SHPRH: variants seen among roughly 807,000 people sequenced by gnomAD.
SHPRH encodes the protein E3 ubiquitin-protein ligase SHPRH.
Under a neutral mutation model 202.5 loss-of-function variants are expected in SHPRH, and 106 were observed. That is an observed-to-expected ratio of 0.52 (90% CI 0.45 to 0.62). The LOEUF is 0.62. SHPRH is among the 20% of genes least tolerant of loss of function. The pLI, the probability that SHPRH is intolerant of heterozygous loss-of-function variation, is 0.00. For missense variants in SHPRH, 1,710 were observed against 2,020.0 expected (o/e 0.85, Z 2.94); for synonymous variants, 729 against 686.0 (o/e 1.06, Z -0.98).
chr6:145,908,865 G>A (rs989629573), intron 25 of SHPRH: 5 of 152,006 alleles, frequency 3.3e-5, no homozygotes, highest in Admixed American at 2.0e-4. Flanking sequence ...TTTTCTTCTC[G>A]GATTTTTAGG....
chr6:145,889,677 GATATCTCACTATGT>G (rs1781418602), intron 28 of SHPRH, among the ~76,000 whole-genome samples: 1 of 152,052 alleles, frequency 6.6e-6, no homozygotes, highest in Non-Finnish European at 1.5e-5. Flanking sequence ...TCATTCCTAA[GATATCTCACTATGT>G]ATATGCAAAT....
rs1256708224 is a variant in SHPRH at position 145,948,359 on chromosome 6, A to C, written c.983-9T>G. On this transcript the variant is annotated splice_polypyrimidine_tract_variant and intron_variant, in intron 4 of 29. Coordinates refer to ENST00000275233, the MANE Select transcript of SHPRH (RefSeq NM_001042683.3). ...GAAGTGCAGGGCACTTTCTAAAGAA[A>C]AATATAATCATAATAACAAATTTTT... 12 of 1,590,328 alleles carry C rather than the reference A, an allele frequency of 7.5e-6. No homozygotes were observed. Among genetic ancestry groups the C allele is most frequent in the Non-Finnish European group, 1.0e-5 (12 of 1,169,088 alleles).
At chr6:145,910,072 C>T in intron 25 of SHPRH, 1 of 161,040 alleles carries the variant, frequency 6.2e-6, no homozygotes, top group Non-Finnish European at 1.4e-5. Flanking sequence ...ATCCTTTTTT[C>T]CTTACATTCA....
chr6:145,903,750 G>A (rs1354180353), intron 25 of SHPRH: 1 of 152,036 alleles, frequency 6.6e-6, no homozygotes, highest in East Asian at 1.9e-4. Context: ...CAGTATATAG[G>A]GTCAGGGTTT....
Position 145,893,337 on chromosome 6 carries a change from C to G in SHPRH, c.4752G>C (p.Leu1584=). The change falls in exon 28 of 30, where the codon CTG becomes CTC. Residue 1584 remains leucine (L), a synonymous_variant. Coordinates refer to ENST00000275233, the MANE Select transcript of SHPRH (RefSeq NM_001042683.3). ...DPQINILLLP[L]HTGSNGLTII... ...TAGTTAATCCATTAGAACCTGTGTG[C>G]AGGGGCAGCAGCAAAATATTGATTT... The G allele has an allele frequency of 6.3e-7, 1 of 1,597,992 alleles. No homozygotes were observed.
At chr6:145,864,209 C>T, downstream of SHPRH, 1 of 197,004 alleles carries the variant, frequency 5.1e-6, no homozygotes, top group East Asian at 1.4e-4. Flanking sequence ...TTTCTTTATT[C>T]TTCATGTTTC....
chr6:145,888,449 TC>T (rs1781293972), intron 28 of SHPRH, among the ~76,000 whole-genome samples: 1 of 151,486 alleles, frequency 6.6e-6, no homozygotes, highest in African/African-American at 2.4e-5. Context: ...ACATACACAG[TC>T]CCCGGGAAGG....
chr6:145,941,907 A>C (rs1290823484), intron 9 of SHPRH, 33 bp from the exon 10 acceptor site: 2 of 1,604,994 alleles, frequency 1.2e-6, no homozygotes, highest in Non-Finnish European at 1.7e-6. Flanking sequence ...AGTTATTGCA[A>C]AAAGGCTCAC....
At chr6:145,927,390 C>T in intron 14 of SHPRH, 113 bp from the exon 15 acceptor site, 2 of 997,290 alleles carry the variant, frequency 2.0e-6, no homozygotes, top group Admixed American at 2.7e-5. Flanking sequence ...ATGATTATAA[C>T]TTTTTTTAAG....
chr6:145,955,291 A>C lies in SHPRH; in HGVS notation c.32T>G (p.Val11Gly). The C allele has an allele frequency of 6.2e-7, 1 of 1,604,870 alleles. No individual in the cohort carries two copies. The highest frequency in any genetic ancestry group is 8.5e-7 in the Non-Finnish European group (1 of 1,176,318). MSSRRKRAPP[V>G]RVDEEKRQQL... ...CTGCCTCTTTTCCTCATCTACCCTCACTGGAGGAGCACGTTTCCGTCGGCT... is the reference window on the plus strand; with the variant it reads ...CTGCCTCTTTTCCTCATCTACCCTCCCTGGAGGAGCACGTTTCCGTCGGCT... Residue 11 changes from valine to glycine, a missense_variant, in exon 2 of 30, where the codon GTG (valine) becomes GGG (glycine). Around this residue, in one of 8 missense-constraint regions of SHPRH, gnomAD observed 459 missense variants for 426.5 expected, o/e 1.08. Coordinates refer to ENST00000275233, the MANE Select transcript of SHPRH (RefSeq NM_001042683.3).
At chr6:145,934,793 C>A (rs1582753445) in intron 13 of SHPRH, 114 bp downstream of exon 13, 1 of 998,000 alleles carries the variant, frequency 1.0e-6, no homozygotes, top group Non-Finnish European at 1.5e-6. Flanking sequence ...AAACCCTCTA[C>A]ACCATTAAAG....
chr6:145,876,660 T>G (rs954250765), intron 2 of SHPRH: 1 of 143,706 alleles, frequency 7.0e-6, no homozygotes, highest in African/African-American at 2.5e-5. Flanking sequence ...TGTGAACACA[T>G]GTTTTCATTT....
intron 11 of SHPRH, among the ~76,000 whole-genome samples, chr6:145,938,239 G>C (rs1786334032): frequency 6.6e-6 from 1 of 152,104 alleles, no homozygotes; most frequent in African/African-American, 2.4e-5. Flanking sequence ...CTCAAGGGTT[G>C]GTTGTTACAA....
At chr6:145,916,069 T>C (rs562154910) in intron 23 of SHPRH, among the ~76,000 whole-genome samples, 1 of 152,256 alleles carries the variant, frequency 6.6e-6, no homozygotes, top group Admixed American at 6.5e-5. Flanking sequence ...AAATTGGGTA[T>C]TTTCATTTGT....
chr6:145,895,817 G>A (rs1562293629), intron 25 of SHPRH, among the ~76,000 whole-genome samples: 1 of 151,938 alleles, frequency 6.6e-6, no homozygotes. Flanking sequence ...ATCCAATAGG[G>A]CTGAATGATA....
At position 145,921,281 on chromosome 6, in the gene SHPRH, C is replaced by T. The variant is rs1784409086; in HGVS notation, c.3894G>A (p.Glu1298=). The T allele has an allele frequency of 6.2e-7, 1 of 1,612,854 alleles. No individual in the cohort carries two copies. Among genetic ancestry groups the T allele is most frequent in the African/African-American group, 1.3e-5 (1 of 74,852 alleles). The part of the protein sequence containing the change: ...TRGLWAISET[E]RSMKAILSFA... ...ATGATAGTATTGCTTTCATAGATCG[C>T]TCTGTCTCACTTATTGCCCAGAGAC... The change falls in exon 21 of 30, where the codon GAG becomes GAA. Residue 1298 remains glutamate, a synonymous_variant. Coordinates refer to ENST00000275233, the MANE Select transcript of SHPRH (RefSeq NM_001042683.3).
chr6:145,924,400 G>C (rs1159538034), intron 17 of SHPRH, among the ~76,000 whole-genome samples: 1 of 151,884 alleles, frequency 6.6e-6, no homozygotes, highest in Admixed American at 6.6e-5. Context: ...TGGTTCTAAT[G>C]TATTAACATT....
At chr6:145,903,496 T>C (rs1782686492) in intron 25 of SHPRH, 2 of 152,038 alleles carry the variant, frequency 1.3e-5, no homozygotes, top group African/African-American at 4.8e-5. Context: ...TTGCTAAAAA[T>C]GCAGATTTCT....
intron 2 of SHPRH, among the ~76,000 whole-genome samples, chr6:145,878,462 C>G (rs1167983317): frequency 6.6e-6 from 1 of 152,250 alleles, no homozygotes; most frequent in African/African-American, 2.4e-5. Flanking sequence ...CCTTCCTCCT[C>G]TCCAAACCTT....
Sources: gnomAD v4.1 joint callset for allele counts (sites outside exome capture counted in the v4.1 genomes callset) on GRCh38, gnomAD v4.1.1 for gene constraint, gnomAD v4.1.1 regional missense constraint, MANE v1.5 for transcripts, NCBI Gene and HGNC (gene_info 2026-07-23, HGNC 2026-07-21) for gene names.